AQR: variants seen among roughly 807,000 people sequenced by gnomAD.
AQR encodes aquarius intron-binding spliceosomal factor, also known as RNA helicase aquarius.
AQR carries 61 observed loss-of-function variants against 180.5 expected under a neutral mutation model. The observed-to-expected ratio is 0.34, with a 90% confidence interval of 0.28 to 0.42. The LOEUF is 0.42. Ranked by LOEUF, AQR falls within the 10% of genes least tolerant of loss-of-function variation. AQR has a pLI of 1.00. For synonymous variants in AQR, 551 were observed against 588.8 expected (o/e 0.94, Z 0.93); for missense variants, 1,281 against 1,798.3 (o/e 0.71, Z 5.20).
At chr15:34,893,606 TGCACACACACAC>T in intron 23 of AQR, 45 bp downstream of exon 23, 1 of 823,894 alleles carries the variant, frequency 1.2e-6, no homozygotes, top group Non-Finnish European at 1.8e-6. Context: ...TGCGCATGCG[TGCACACACACAC>T]ACACACACAC....
At chr15:34,948,002 C>T (rs1292884973) in intron 5 of AQR, 1 of 323,876 alleles carries the variant, frequency 3.1e-6, no homozygotes, top group East Asian at 6.8e-5. Flanking sequence ...ATAACATATA[C>T]CATTCTTTGT....
chr15:34,966,846 T>C (rs2050311597), intron 1 of AQR, among the ~76,000 whole-genome samples: 1 of 150,952 alleles, frequency 6.6e-6, no homozygotes, highest in Non-Finnish European at 1.5e-5. Context: ...AAAGGTAATC[T>C]TTGCCTTCAA....
At chr15:34,859,804 G>A (rs892293341) in intron 34 of AQR, among the ~76,000 whole-genome samples, 1 of 152,074 alleles carries the variant, frequency 6.6e-6, no homozygotes, top group African/African-American at 2.4e-5. Flanking sequence ...TGGCTTCACA[G>A]GTAAATACCT....
chr15:34,853,571 A>G lies in AQR; in HGVS notation c.*3221T>C, dbSNP rs1042479617. The G allele has an allele frequency of 3.9e-5, 6 of 152,244 alleles. No homozygotes were observed. Among genetic ancestry groups the G allele is most frequent in the Non-Finnish European group, 7.3e-5 (5 of 68,068 alleles). The allele number at this position is 152,244 out of a possible 1,614,324, so 9.4% of individuals were successfully genotyped here. Reference sequence around the variant, plus strand: ...ATCCTAGATAGATCCTCAAAGGTCAACTGCCACTAGGTGTCCCCTTCTTGA... The same window carrying G: ...ATCCTAGATAGATCCTCAAAGGTCAGCTGCCACTAGGTGTCCCCTTCTTGA... On this transcript the variant is annotated 3_prime_UTR_variant, in exon 35 of 35. Transcript: ENST00000156471.
chr15:34,895,060 C>A (rs1180587813), intron 22 of AQR, among the ~76,000 whole-genome samples: 13 of 144,118 alleles, frequency 9.0e-5, no homozygotes, highest in South Asian at 2.3e-4. Flanking sequence ...CCCAGCTACT[C>A]AGGTGGCTGA....
chr15:34,895,406 CAG>C (rs1294612961), intron 22 of AQR, among the ~76,000 whole-genome samples: 2 of 151,032 alleles, frequency 1.3e-5, no homozygotes, highest in Non-Finnish European at 3.0e-5. Context: ...AGTTGAAAGA[CAG>C]AGAGTCTCAG....
rs577199973 is a variant in AQR at position 34,874,078 on chromosome 15, T to C, written c.3426-79A>G. ...CTTTTAATATACATAAGGAGGTTTC[T>C]GTTTCTGTGCTTCTTTTAAATTTTC... On this transcript the variant is annotated intron_variant, in intron 29 of 34. Transcript: ENST00000156471. 5.3e-6 allele frequency: 7 copies of C among 1,311,742 alleles called. No individual in the cohort carries two copies. In the East Asian group the frequency reaches 1.6e-4, roughly 30 times the overall value. 81.3% of individuals were successfully genotyped at this position (1,311,742 alleles called of 1,614,324 possible). A position where few individuals can be genotyped will look rare whatever the true frequency, so the allele number is the denominator to read the frequency against.
In AQR at chr15:34,852,015, A is replaced by G. The variant is rs1225758878; in HGVS notation, c.*4777T>C. Reference sequence around the variant, plus strand: ...TAAATTACACTACGACATTTTGTACAAATCACTTCACTTCTGGTTTCCTCT... The same window carrying G: ...TAAATTACACTACGACATTTTGTACGAATCACTTCACTTCTGGTTTCCTCT... On this transcript the variant is annotated 3_prime_UTR_variant, in exon 35 of 35. Coordinates refer to ENST00000156471, the MANE Select transcript of AQR (RefSeq NM_014691.3). 1.3e-5 allele frequency: 2 copies of G among 152,150 alleles called. No individual in the cohort carries two copies. The highest frequency in any genetic ancestry group is 4.8e-5 in the African/African-American group (2 of 41,442). 9.4% of individuals were successfully genotyped at this position (152,150 alleles called of 1,614,324 possible). A position where few individuals can be genotyped will look rare whatever the true frequency, so the allele number is the denominator to read the frequency against.
At position 34,934,911 on chromosome 15, in the gene AQR, T is replaced by C. The variant is rs190303765; in HGVS notation, c.719-276A>G. Among the ~76,000 whole-genome samples the C allele has an allele frequency of 7.9e-5, 12 of 152,300 alleles. No homozygotes were observed. The East Asian group carries it at 2.1e-3, about 27-fold the overall frequency. ...GGTTTGCAAAGATATTTTAAAAGTA[T>C]TAACCTTTAAAAATCTGTATTAAAT... is the stretch of plus-strand genomic sequence containing the variant. On this transcript the variant is annotated intron_variant, in intron 9 of 34. Coordinates refer to ENST00000156471, the MANE Select transcript of AQR (RefSeq NM_014691.3).
Position 34,964,246 on chromosome 15 carries a change from AG to A in AQR, c.119del (p.Pro40LeufsTer4). ...YWAPHIKKKS[P>X]FDIKVIEDIY... ...CAAAAATACTTACCTTTATATCAAA[AG>A]GTGATTTCTTCTTGATGTGGGGAGC... On this transcript the variant is annotated frameshift_variant, in exon 2 of 35. Transcript: ENST00000156471. LOFTEE classifies it high-confidence loss of function. The A allele has an allele frequency of 6.2e-7, 1 of 1,606,244 alleles. No homozygotes were observed. Among genetic ancestry groups the A allele is most frequent in the South Asian group, 1.1e-5 (1 of 90,246 alleles).
chr15:34,957,623 C>T (rs1409027944), intron 3 of AQR, among the ~76,000 whole-genome samples: 1 of 149,888 alleles, frequency 6.7e-6, no homozygotes, highest in Non-Finnish European at 1.5e-5. Flanking sequence ...ATCACTTGAA[C>T]CTGGGAGGTG....
chr15:34,906,279 G>A (rs1221596163), intron 18 of AQR, among the ~76,000 whole-genome samples: 4 of 151,624 alleles, frequency 2.6e-5, no homozygotes, highest in African/African-American at 4.8e-5. Context: ...GCTGAGGCTG[G>A]AGAATCGCAT....
chr15:34,878,299 G>C (rs1489888119), intron 27 of AQR, among the ~76,000 whole-genome samples: 2 of 145,616 alleles, frequency 1.4e-5, no homozygotes, highest in East Asian at 2.2e-4. Flanking sequence ...GGCACTAGAA[G>C]TGTTTGAACC....
intron 16 of AQR, among the ~76,000 whole-genome samples, chr15:34,912,768 G>A (rs755753831): frequency 1.3e-5 from 2 of 151,948 alleles, no homozygotes; most frequent in African/African-American, 2.4e-5. Flanking sequence ...TGGGAAATAC[G>A]TAACATAAAA....
intron 27 of AQR, among the ~76,000 whole-genome samples, chr15:34,876,354 A>T (rs1892889402): frequency 6.6e-6 from 1 of 152,158 alleles, no homozygotes; most frequent in Non-Finnish European, 1.5e-5. Context: ...ATTTATAATT[A>T]TATATGAAGT....
chr15:34,912,658 A>G (rs1191918186), intron 16 of AQR, among the ~76,000 whole-genome samples: 1 of 152,034 alleles, frequency 6.6e-6, no homozygotes, highest in Non-Finnish European at 1.5e-5. Context: ...AAAAAAAACA[A>G]GCTAGTTGTA....
At chr15:34,894,529 A>G (rs963856356) in intron 22 of AQR, among the ~76,000 whole-genome samples, 8 of 152,204 alleles carry the variant, frequency 5.3e-5, no homozygotes, top group Non-Finnish European at 1.0e-4. Flanking sequence ...TTCTTCAGAC[A>G]GAAAATGCTA....
intron 15 of AQR, 97 bp from the exon 16 acceptor site, chr15:34,915,276 C>T (rs1208984219): frequency 2.9e-5 from 35 of 1,195,344 alleles, no homozygotes; most frequent in South Asian, 2.4e-4. Context: ...CTGCAACCTC[C>T]GCCTCCCAGA....
intron 15 of AQR, among the ~76,000 whole-genome samples, chr15:34,917,277 C>T (rs1444717483): frequency 2.0e-5 from 3 of 152,056 alleles, no homozygotes; most frequent in Non-Finnish European, 2.9e-5. Flanking sequence ...GTAAATATAC[C>T]AATACTTATA....
Sources: allele counts gnomAD v4.1 joint callset (sites outside exome capture counted in the v4.1 genomes callset), GRCh38; gene constraint gnomAD v4.1.1; transcripts MANE v1.5; gene names NCBI Gene and HGNC (gene_info 2026-07-23, HGNC 2026-07-21).